ABCA7: variants seen among roughly 807,000 people sequenced by gnomAD.
ABCA7 encodes the protein ATP binding cassette subfamily A member 7, also known as phospholipid-transporting ATPase ABCA7.
In ABCA7, 261 loss-of-function variants were observed where a neutral mutation model predicts 227.6. That is an observed-to-expected ratio of 1.15 (90% CI 1.04 to 1.27). The LOEUF (loss-of-function observed/expected upper bound fraction) is 1.27, where lower values mean the gene tolerates loss of function less well. ABCA7 is among the 50% of genes most tolerant of loss of function. The probability of loss-of-function intolerance (pLI) is 0.00; values close to 1 mark genes in which losing one functional copy is unlikely to be tolerated. For missense variants in ABCA7, 3,331 were observed against 2,924.5 expected, an observed-to-expected ratio of 1.14 and a Z score of -3.21; for synonymous variants, 1,488 against 1,279.7, an observed-to-expected ratio of 1.16 and a Z score of -3.47.
rs1471023103 is a variant in ABCA7, at chr19:1,046,216, TG to T, written c.1446-13del. The T allele has an allele frequency of 3.7e-6, 6 of 1,605,036 alleles. No homozygotes were observed. The highest frequency in any genetic ancestry group is 1.7e-5 in the Admixed American group (1 of 59,838). On this transcript the variant is annotated splice_polypyrimidine_tract_variant and intron_variant, in intron 12 of 46. Transcript: ENST00000263094. The stretch of plus-strand genomic sequence containing the variant: ...AGCCCTTCCCTACAACCGGCCACCA[TG>T]CCCCTCTCGCAGGTTTTGGGACCCT...
At position 1,047,189 on chromosome 19, in the gene ABCA7, C is replaced by A; in HGVS notation, c.1878C>A (p.Gly626=). The A allele has an allele frequency of 6.2e-7, 1 of 1,605,440 alleles. No individual in the cohort carries two copies. The highest frequency in any genetic ancestry group is 8.5e-7 in the Non-Finnish European group (1 of 1,177,830). The change falls in exon 15 of 47, where the codon GGC becomes GGA. Residue 626 remains glycine (G), a synonymous_variant. Coordinates refer to ENST00000263094, the MANE Select transcript of ABCA7 (RefSeq NM_019112.4). ...ACATCCTCCCCTACAGCCACCCGGG[C>A]GTGGTCTTCCTGTTCTTGGCAGCCT... is the stretch of plus-strand genomic sequence containing the variant. ...LGDILPYSHP[G]VVFLFLAAFA... is the part of the protein sequence containing the mutation.
At position 1,064,944 on chromosome 19, in the gene ABCA7, C is replaced by A; in HGVS notation, c.6058C>A (p.His2020Asn). 1 of 1,546,298 alleles carries A rather than the reference C, an allele frequency of 6.5e-7. No homozygotes were observed. Among genetic ancestry groups the A allele is most frequent in the South Asian group, 1.2e-5 (1 of 83,980 alleles). The part of the protein sequence containing the change: ...QHLKGRFAAG[H>N]TLTLRVPAAR... ...CACTCACTGCAGATTCGCGGCGGGT[C>A]ACACACTGACCCTGCGGGTGCCCGC... is the stretch of plus-strand genomic sequence containing the variant. Residue 2020 changes from histidine (H) to asparagine (N), a missense_variant, in exon 46 of 47, where the codon CAC (histidine) becomes AAC (asparagine). Physicochemically the swap from His to Asn is moderately conservative, Grantham distance 68. Coordinates refer to ENST00000263094, the MANE Select transcript of ABCA7 (RefSeq NM_019112.4).
chr19:1,042,727 T>C lies in ABCA7; in HGVS notation c.499-19T>C, dbSNP rs1216532502. On this transcript the variant is annotated intron_variant, in intron 6 of 46. Transcript: ENST00000263094. Reference sequence around the variant, plus strand: ...TGAGTGTTCAAAATCATTGTCCCCCTTGTGGTCTTTCTCCCCAGGAATCCC... The same window carrying C: ...TGAGTGTTCAAAATCATTGTCCCCCCTGTGGTCTTTCTCCCCAGGAATCCC... 1 of 1,612,460 alleles carries C rather than the reference T, an allele frequency of 6.2e-7. No homozygotes were observed. The highest frequency in any genetic ancestry group is 2.2e-5 in the East Asian group (1 of 44,864).
At chr19:1,050,596 A>G (rs10414675) in intron 18 of ABCA7, among the ~76,000 whole-genome samples, 42,339 of 149,674 alleles carry the variant, frequency 0.28, 6,407 homozygotes, top group Admixed American at 0.36. Flanking sequence ...ATGGTGAAAC[A>G]GTGAAACCCC....
In ABCA7 at chr19:1,042,902, A is replaced by C; in HGVS notation, c.579+76A>C. 3 of 1,513,132 alleles carry C rather than the reference A, an allele frequency of 2.0e-6. 1 individual carries two copies. Among genetic ancestry groups the C allele is most frequent in the South Asian group, 2.5e-5 (2 of 78,508 alleles). 93.7% of individuals were successfully genotyped at this position (1,513,132 alleles called of 1,614,324 possible). A position where few individuals can be genotyped will look rare whatever the true frequency, so the allele number is the denominator to read the frequency against. Reference sequence around the variant, plus strand: ...AGCCTGCGCCGGGAGGGTCTGGGGCAGCCCGGGCACTTCCCTTGGGTGGGT... The same window carrying C: ...AGCCTGCGCCGGGAGGGTCTGGGGCCGCCCGGGCACTTCCCTTGGGTGGGT... On this transcript the variant is annotated intron_variant, in intron 7 of 46. Coordinates refer to ENST00000263094, the MANE Select transcript of ABCA7 (RefSeq NM_019112.4).
intron 10 of ABCA7, 95 bp from the exon 11 acceptor site, chr19:1,044,482 A>C: frequency 1.4e-6 from 2 of 1,430,014 alleles, no homozygotes; most frequent in Non-Finnish European, 1.9e-6. Flanking sequence ...TCCTGACCTC[A>C]GGTGATCCAC....
intron 40 of ABCA7, among the ~76,000 whole-genome samples, chr19:1,061,152 TTTGG>T: frequency 6.6e-6 from 1 of 152,036 alleles, no homozygotes; most frequent in South Asian, 2.1e-4. Flanking sequence ...ACCCCAGCAC[TTTGG>T]GAGGCCAAGG....
At chr19:1,064,055 A>T in intron 44 of ABCA7, 106 bp from the exon 45 acceptor site, 1 of 1,350,392 alleles carries the variant, frequency 7.4e-7, no homozygotes, top group South Asian at 1.4e-5. Flanking sequence ...AAGAGTGGGG[A>T]GATGTCCACA....
In ABCA7 at chr19:1,047,084, G is replaced by A. The variant is rs1211229610; in HGVS notation, c.1845+60G>A. On this transcript the variant is annotated intron_variant, in intron 14 of 46. Transcript: ENST00000263094. Reference sequence around the variant, plus strand: ...GGTGCGCTGGAGGGTGACAGACAGGGGCGGCCCCACGTGGGTGCGCGCCCC... The same window carrying A: ...GGTGCGCTGGAGGGTGACAGACAGGAGCGGCCCCACGTGGGTGCGCGCCCC... The A allele has an allele frequency of 1.5e-5, 23 of 1,552,510 alleles. No individual in the cohort carries two copies. In the East Asian group the frequency reaches 5.6e-4, roughly 38 times the overall value.
rs1400279653 is a variant in ABCA7, at chr19:1,049,456, C to T, written c.2552+19C>T. On this transcript the variant is annotated intron_variant, in intron 18 of 46. Transcript: ENST00000263094. ...CCACCCTGTGAGCCCCCAACCACTC[C>T]CTCCCCGTGAGCCCCCCCACTCCCA... The T allele has an allele frequency of 2.0e-6, 3 of 1,517,664 alleles. No homozygotes were observed. The highest frequency in any genetic ancestry group is 2.7e-6 in the Non-Finnish European group (3 of 1,130,874). The allele number at this position is 1,517,664 out of a possible 1,614,324, so 94.0% of individuals were successfully genotyped here.
At position 1,056,449 on chromosome 19, in the gene ABCA7, A is replaced by G. The variant is rs1568382755; in HGVS notation, c.4536A>G (p.Thr1512=). 6.2e-7 allele frequency: 1 copy of G among 1,613,298 alleles called. No homozygotes were observed. The highest frequency in any genetic ancestry group is 8.5e-7 in the Non-Finnish European group (1 of 1,179,910). ...GPARHAHSIT[T]LNHPLNLTKE... ...CCCGCCACGCCCACAGCATCACCACACTCAACCACCCCTTGAACCTCACCA... is the reference window on the plus strand; with the variant it reads ...CCCGCCACGCCCACAGCATCACCACGCTCAACCACCCCTTGAACCTCACCA... Residue 1512 remains threonine, a synonymous_variant, in exon 33 of 47, where the codon ACA becomes ACG. Coordinates refer to ENST00000263094, the MANE Select transcript of ABCA7 (RefSeq NM_019112.4). This position sits in a 1 kb window ranked among gnomAD's most constrained non-coding sequence, Gnocchi z 4.3.
At chr19:1,043,306 G>C in intron 8 of ABCA7, 28 bp from the exon 9 acceptor site, 1 of 1,612,698 alleles carries the variant, frequency 6.2e-7, no homozygotes, top group South Asian at 1.1e-5. Context: ...GGGCAGGGGG[G>C]CAGGGCCTCA....
chr19:1,058,365 C>A, intron 37 of ABCA7, 96 bp downstream of exon 37: 1 of 1,520,984 alleles, frequency 6.6e-7, no homozygotes, highest in Non-Finnish European at 8.8e-7. Context: ...AACAGCCCCC[C>A]AGGGAGACAG....
chr19:1,064,253 G>A lies in ABCA7; in HGVS notation c.6044G>A (p.Arg2015Lys), dbSNP rs774181333. ...GGCAGCCCGCAACATCTCAAGGGCA[G>A]GTGAGCCGGCGCGGCCTCCAGGCAG... Reference protein sequence around the residue: ...CLGSPQHLKGRFAAGHTLTLR... With the variant: ...CLGSPQHLKGKFAAGHTLTLR... Residue 2015 changes from arginine to lysine, a missense_variant and splice_region_variant, in exon 45 of 47, where the codon AGA (arginine) becomes AAA (lysine). Transcript: ENST00000263094. The A allele has an allele frequency of 3.8e-6, 6 of 1,558,900 alleles. No homozygotes were observed. Among genetic ancestry groups the A allele is most frequent in the South Asian group, 1.2e-5 (1 of 84,788 alleles).
chr19:1,052,189 C>T, intron 22 of ABCA7, 25 bp from the exon 23 acceptor site: 2 of 1,599,838 alleles, frequency 1.3e-6, no homozygotes, highest in Middle Eastern at 1.7e-4. Flanking sequence ...GAAGGCCAAG[C>T]CACTTGGTGC....
intron 40 of ABCA7, among the ~76,000 whole-genome samples, chr19:1,061,390 CAAAAAAAAAAA>C (rs978850571): frequency 2.7e-4 from 10 of 36,920 alleles, no homozygotes; most frequent in African/African-American, 1.4e-3. Flanking sequence ...GGCTCCGTCT[CAAAAAAAAAAA>C]AAAAAAAAAA....
In ABCA7 at chr19:1,049,364, C is replaced by G; in HGVS notation, c.2479C>G (p.Leu827Val). 1.2e-6 allele frequency: 2 copies of G among 1,611,532 alleles called. No individual in the cohort carries two copies. Among genetic ancestry groups the G allele is most frequent in the Non-Finnish European group, 1.7e-6 (2 of 1,179,204 alleles). Reference sequence around the variant, plus strand: ...AAGCCCGCAGCCAGCCCTGCGGGGGCTCAGCCTGGACTTCTACCAGGGCCA... The same window carrying G: ...AAGCCCGCAGCCAGCCCTGCGGGGGGTCAGCCTGGACTTCTACCAGGGCCA... ...PGSPQPALRG[L>V]SLDFYQGHIT... Residue 827 changes from leucine (L) to valine (V), a missense_variant, in exon 18 of 47, where the codon CTC (leucine) becomes GTC (valine). Leu to Val is a conservative substitution (Grantham distance 32). Transcript: ENST00000263094.
At position 1,048,692 on chromosome 19, in the gene ABCA7, C is replaced by T. The variant is rs143177112; in HGVS notation, c.2270-203C>T. Among the ~76,000 whole-genome samples the T allele has an allele frequency of 0.021, 3,102 of 151,190 alleles. 217 individuals carry two copies. The East Asian group carries it at 0.27, about 13-fold the overall frequency. On this transcript the variant is annotated intron_variant, in intron 16 of 46. Coordinates refer to ENST00000263094, the MANE Select transcript of ABCA7 (RefSeq NM_019112.4). ...GGCATGGTGGCGGGCGCCTGTAGTC[C>T]CAGCTACTCAGGAGGCTGAGGCAGG...
chr19:1,044,815 G>A, intron 11 of ABCA7, 71 bp downstream of exon 11: 6 of 1,522,306 alleles, frequency 3.9e-6, no homozygotes, highest in Non-Finnish European at 5.3e-6. Flanking sequence ...TTCCCACCCT[G>A]GTGTTCCCAG....
Sources: gnomAD v4.1 joint callset for allele counts (sites outside exome capture counted in the v4.1 genomes callset) on GRCh38, gnomAD v4.1.1 for gene constraint, Gnocchi (gnomAD v3.1) non-coding constraint, MANE v1.5 for transcripts, NCBI Gene and HGNC (gene_info 2026-07-23, HGNC 2026-07-21) for gene names.